Variants in XPR1 observed in about 807,000 individuals in gnomAD.
XPR1 encodes the protein solute carrier family 53 member 1.
Under a neutral mutation model 87.5 loss-of-function variants are expected in XPR1, and 28 were observed. That is an observed-to-expected ratio of 0.32 (90% CI 0.24 to 0.44). The LOEUF is 0.44. XPR1 is among the 20% of genes least tolerant of loss of function. The pLI is 1.00. For missense variants in XPR1, 559 were observed against 862.3 expected, an observed-to-expected ratio of 0.65 and a Z score of 4.41; for synonymous variants, 300 against 306.1, an observed-to-expected ratio of 0.98 and a Z score of 0.21.
intron 9 of XPR1, 104 bp from the exon 10 acceptor site, chr1:180,834,770 A>T (rs144595744): frequency 1.5e-6 from 2 of 1,310,004 alleles, no homozygotes; most frequent in African/African-American, 1.5e-5. Context: ...TTTGGTTTCC[A>T]TTTTATCAAC....
intron 2 of XPR1, among the ~76,000 whole-genome samples, chr1:180,733,248 T>A (rs1658617360): frequency 6.6e-6 from 1 of 152,144 alleles, no homozygotes; most frequent in African/African-American, 2.4e-5. Flanking sequence ...TTACCCTATG[T>A]CCGTGGGGGC....
At chr1:180,801,842 A>G (rs991566101) in intron 3 of XPR1, among the ~76,000 whole-genome samples, 2 of 148,360 alleles carry the variant, frequency 1.3e-5, no homozygotes, top group African/African-American at 5.0e-5. Flanking sequence ...GTGCAGTGGC[A>G]CAATCTCGGC....
At chr1:180,747,347 A>G (rs1301390951) in intron 2 of XPR1, among the ~76,000 whole-genome samples, 1 of 152,150 alleles carries the variant, frequency 6.6e-6, no homozygotes, top group Non-Finnish European at 1.5e-5. Flanking sequence ...AAAAAAAGGA[A>G]ACTGATTTTG....
intron 3 of XPR1, among the ~76,000 whole-genome samples, chr1:180,797,402 A>G (rs370526568): frequency 2.0e-5 from 3 of 152,200 alleles, no homozygotes; most frequent in Non-Finnish European, 4.4e-5. Context: ...AGTGTTTGAG[A>G]TTAGCCTTGC....
chr1:180,839,836 G>A (rs1651440345), intron 11 of XPR1, among the ~76,000 whole-genome samples: 1 of 152,178 alleles, frequency 6.6e-6, no homozygotes, highest in African/African-American at 2.4e-5. Flanking sequence ...AATATATGGA[G>A]ATTCTAATGA....
rs1231486390 is a variant in XPR1 at position 180,888,527 on chromosome 1, A to T, written c.*4461A>T. 1 of 152,050 alleles carries T rather than the reference A, an allele frequency of 6.6e-6. No homozygotes were observed. Among genetic ancestry groups the T allele is most frequent in the East Asian group, 1.9e-4 (1 of 5,204 alleles). The allele number at this position is 152,050 out of a possible 1,614,324, so 9.4% of individuals were successfully genotyped here. A position where few individuals can be genotyped will look rare whatever the true frequency, so the allele number is the denominator to read the frequency against. ...ATAGGAATTCAGTGTCATTACAGAT[A>T]CGGTCTCTAGTGACCAGGTGAAGAC... is the stretch of plus-strand genomic sequence containing the variant. On this transcript the variant is annotated 3_prime_UTR_variant, in exon 15 of 15. Coordinates refer to ENST00000367590, the MANE Select transcript of XPR1 (RefSeq NM_004736.4).
At chr1:180,791,836 A>T (rs1325105486) in intron 3 of XPR1, among the ~76,000 whole-genome samples, 1 of 152,178 alleles carries the variant, frequency 6.6e-6, no homozygotes, top group East Asian at 1.9e-4. Context: ...TGCAACCTTC[A>T]GTTTGAAACA....
intron 2 of XPR1, among the ~76,000 whole-genome samples, chr1:180,706,461 A>G (rs1171872398): frequency 6.6e-6 from 1 of 152,224 alleles, no homozygotes; most frequent in Non-Finnish European, 1.5e-5. Flanking sequence ...GAAAAAATAG[A>G]TGCATGATTT....
intron 1 of XPR1, among the ~76,000 whole-genome samples, chr1:180,679,628 A>G (rs1473432988): frequency 7.2e-5 from 11 of 152,208 alleles, no homozygotes; most frequent in East Asian, 1.9e-4. Flanking sequence ...TTGTTCCCCA[A>G]TGACTTATTG....
At chr1:180,781,331 A>C (rs1012307158) in intron 2 of XPR1, among the ~76,000 whole-genome samples, 1 of 152,016 alleles carries the variant, frequency 6.6e-6, no homozygotes, top group Non-Finnish European at 1.5e-5. Context: ...CCCATCCTCC[A>C]TGTCTCACAG....
chr1:180,709,735 C>G (rs997471248), intron 2 of XPR1, among the ~76,000 whole-genome samples: 1 of 151,998 alleles, frequency 6.6e-6, no homozygotes, highest in African/African-American at 2.4e-5. Flanking sequence ...GGTGTTACCT[C>G]GTTGTGTTTT....
chr1:180,684,658 TTTGA>T (rs1013533914), intron 2 of XPR1, among the ~76,000 whole-genome samples: 25 of 152,152 alleles, frequency 1.6e-4, no homozygotes, highest in Admixed American at 1.0e-3. Context: ...TCCTCTTTTA[TTTGA>T]TTGAGCAGTG....
chr1:180,808,790 A>G (rs1042136212), intron 6 of XPR1, among the ~76,000 whole-genome samples: 1 of 152,240 alleles, frequency 6.6e-6, no homozygotes, highest in African/African-American at 2.4e-5. Flanking sequence ...TAATCATACT[A>G]ATGATGGAGG....
chr1:180,755,111 T>C (rs1293255307), intron 2 of XPR1, among the ~76,000 whole-genome samples: 1 of 152,164 alleles, frequency 6.6e-6, no homozygotes, highest in Non-Finnish European at 1.5e-5. Context: ...CTAAGAGATA[T>C]TACTATAATC....
chr1:180,747,738 T>C (rs1251888906), intron 2 of XPR1, among the ~76,000 whole-genome samples: 1 of 152,196 alleles, frequency 6.6e-6, no homozygotes, highest in African/African-American at 2.4e-5. Context: ...AGAACATATG[T>C]ACAAAGAAAA....
chr1:180,787,675 A>G (rs1161982173), intron 2 of XPR1, 78 bp from the exon 3 acceptor site: 1 of 982,176 alleles, frequency 1.0e-6, no homozygotes, highest in African/African-American at 1.7e-5. Context: ...CTCAAAAAGT[A>G]ATCTTAGTTT....
At chr1:180,840,026 A>T (rs1651446910) in intron 11 of XPR1, among the ~76,000 whole-genome samples, 1 of 151,722 alleles carries the variant, frequency 6.6e-6, no homozygotes, top group Non-Finnish European at 1.5e-5. Flanking sequence ...GATCGAGACC[A>T]TCCTGGCTAA....
At chr1:180,822,294 C>A (rs1650662291) in intron 7 of XPR1, among the ~76,000 whole-genome samples, 1 of 152,202 alleles carries the variant, frequency 6.6e-6, no homozygotes, top group Non-Finnish European at 1.5e-5. Flanking sequence ...AGCAATCTAT[C>A]TTAAGGCCCT....
intron 4 of XPR1, among the ~76,000 whole-genome samples, chr1:180,805,456 C>A (rs543246171): frequency 6.6e-6 from 1 of 152,126 alleles, no homozygotes; most frequent in South Asian, 2.1e-4. Context: ...TAAACTGAAC[C>A]CTGTAAGTAT....
Sources: gnomAD v4.1 joint callset for allele counts (sites outside exome capture counted in the v4.1 genomes callset) on GRCh38, gnomAD v4.1.1 for gene constraint, MANE v1.5 for transcripts, NCBI Gene and HGNC (gene_info 2026-07-23, HGNC 2026-07-21) for gene names.